The following HABP2 variants were observed in gnomAD, a reference collection of about 807,000 sequenced individuals.
The protein encoded by HABP2 is factor VII-activating protease.
A neutral mutation model predicts 66.5 loss-of-function variants in HABP2; 65 were observed. The ratio of observed to expected loss-of-function variants is 0.98; its 90% CI spans 0.80 to 1.20. HABP2 has a LOEUF of 1.20. HABP2 is among the 50% of genes most tolerant of loss of function. HABP2 has a pLI of 0.00. For missense variants in HABP2, 786 were observed against 691.0 expected, an observed-to-expected ratio of 1.14 and a Z score of -1.54; for synonymous variants, 263 against 253.9, an observed-to-expected ratio of 1.04 and a Z score of -0.34.
chr10:113,553,860 G>A (rs1363476302), intron 1 of HABP2, among the ~76,000 whole-genome samples: 1 of 152,156 alleles, frequency 6.6e-6, no homozygotes, highest in African/African-American at 2.4e-5. Context: ...CAGATGACTT[G>A]TCAAGATGTT....
At chr10:113,568,812 G>A (rs1845249627) in intron 2 of HABP2, among the ~76,000 whole-genome samples, 1 of 152,094 alleles carries the variant, frequency 6.6e-6, no homozygotes, top group African/African-American at 2.4e-5. Context: ...GGAGCTATGG[G>A]GTGACACAGT....
chr10:113,582,016 T>G lies in HABP2; in HGVS notation c.979T>G (p.Trp327Gly). ...GFKSTAGKHP[W>G]QASLQSSLPL... is the part of the protein sequence containing the mutation. ...TAAGAGCACGGCGGGCAAGCACCCA[T>G]GGCAGGCGTCCCTCCAGTCCTCGCT... Residue 327 changes from tryptophan (W) to glycine (G), a missense_variant, in exon 9 of 13, where the codon TGG becomes GGG. By Grantham distance (184) the Trp-to-Gly change is radical. Transcript: ENST00000351270. 1 of 1,614,192 alleles carries G rather than the reference T, an allele frequency of 6.2e-7. No homozygotes were observed. The highest frequency in any genetic ancestry group is 8.5e-7 in the Non-Finnish European group (1 of 1,180,018).
intron 5 of HABP2, 77 bp from the exon 6 acceptor site, chr10:113,577,949 A>G (rs1845442347): frequency 1.7e-5 from 27 of 1,548,250 alleles, no homozygotes; most frequent in Non-Finnish European, 2.4e-5. Context: ...GAATGCCACC[A>G]ATGTCTCCTT....
intron 2 of HABP2, among the ~76,000 whole-genome samples, chr10:113,574,010 A>G (rs1399111011): frequency 6.6e-6 from 1 of 152,196 alleles, no homozygotes; most frequent in Non-Finnish European, 1.5e-5. Flanking sequence ...TCAAGGGAGT[A>G]GAAAGCTGGA....
At position 113,553,059 on chromosome 10, in the gene HABP2, TA is replaced by T; in HGVS notation, c.-60del. The stretch of plus-strand genomic sequence containing the variant: ...CTTGGAGACTGACATTTTTCCCCCC[TA>T]AAGGCATAGACAACAAAAGAAATTT... On this transcript the variant is annotated 5_prime_UTR_variant, in exon 1 of 13. Transcript: ENST00000351270. 1 of 1,238,428 alleles carries T rather than the reference TA, an allele frequency of 8.1e-7. No homozygotes were observed. Among genetic ancestry groups the T allele is most frequent in the Non-Finnish European group, 1.2e-6 (1 of 838,970 alleles). 76.7% of individuals were successfully genotyped at this position (1,238,428 alleles called of 1,614,324 possible).
chr10:113,578,498 G>A (rs139018190), intron 6 of HABP2, 129 bp from the exon 7 acceptor site: 115 of 680,304 alleles, frequency 1.7e-4, no homozygotes, highest in Non-Finnish European at 2.2e-4. Flanking sequence ...TCTGAAATTC[G>A]TGGTGAAATC....
chr10:113,582,688 G>A (rs909724502), intron 9 of HABP2, among the ~76,000 whole-genome samples: 2 of 152,208 alleles, frequency 1.3e-5, no homozygotes, highest in African/African-American at 2.4e-5. Context: ...TGAGTCAGGT[G>A]TCTTCATCCA....
intron 1 of HABP2, among the ~76,000 whole-genome samples, chr10:113,561,552 C>A: frequency 6.6e-6 from 1 of 152,100 alleles, no homozygotes; most frequent in East Asian, 1.9e-4. Flanking sequence ...ATGTGGCCTA[C>A]CACCAGGCAT....
intron 3 of HABP2, 147 bp from the exon 4 acceptor site, chr10:113,575,750 C>T (rs1424898652): frequency 6.1e-6 from 4 of 653,298 alleles, no homozygotes; most frequent in South Asian, 1.8e-5. Flanking sequence ...TTAGGGACAA[C>T]ATATGTTTTC....
At chr10:113,560,636 G>A (rs979785483) in intron 1 of HABP2, among the ~76,000 whole-genome samples, 1 of 152,198 alleles carries the variant, frequency 6.6e-6, no homozygotes, top group African/African-American at 2.4e-5. Context: ...ATCAAGAGAT[G>A]AATGCATAAA....
At chr10:113,578,826 T>G (rs761051808) in intron 7 of HABP2, 28 bp downstream of exon 7, 5 of 1,508,358 alleles carry the variant, frequency 3.3e-6, no homozygotes, top group Non-Finnish European at 3.7e-6. Context: ...TATGCTCAGT[T>G]GATTTTGGTC....
chr10:113,557,301 GA>G (rs981036031), intron 1 of HABP2, among the ~76,000 whole-genome samples: 2 of 152,090 alleles, frequency 1.3e-5, no homozygotes, highest in African/African-American at 4.8e-5. Flanking sequence ...AATTCTCATA[GA>G]TTTTTTTTTA....
At chr10:113,572,230 A>G (rs1473878001) in intron 2 of HABP2, among the ~76,000 whole-genome samples, 2 of 152,256 alleles carry the variant, frequency 1.3e-5, no homozygotes, top group African/African-American at 4.8e-5. Context: ...CTTTGGCTTC[A>G]CTGAGAGGTA....
intron 4 of HABP2, among the ~76,000 whole-genome samples, chr10:113,576,679 T>C (rs1343829821): frequency 6.6e-6 from 1 of 152,088 alleles, no homozygotes; most frequent in African/African-American, 2.4e-5. Flanking sequence ...TACAGCTTTG[T>C]GGTTGACTTC....
At position 113,580,599 on chromosome 10, in the gene HABP2, C is replaced by G. The variant is rs1445033889; in HGVS notation, c.745C>G (p.Pro249Ala). The change falls in exon 8 of 13, where the codon CCA becomes GCA. Residue 249 changes from proline to alanine, a missense_variant. Coordinates refer to ENST00000351270, the MANE Select transcript of HABP2 (RefSeq NM_004132.5). ...GIGEHNFCRN[P>A]DADEKPWCFI... Reference sequence around the variant, plus strand: ...TTGTTTTGTTTTGTATTTTAGAAACCCAGATGCGGACGAAAAGCCCTGGTG... The same window carrying G: ...TTGTTTTGTTTTGTATTTTAGAAACGCAGATGCGGACGAAAAGCCCTGGTG... 1.3e-6 allele frequency: 2 copies of G among 1,540,324 alleles called. No individual in the cohort carries two copies. The highest frequency in any genetic ancestry group is 1.8e-6 in the Non-Finnish European group (2 of 1,112,782).
intron 12 of HABP2, among the ~76,000 whole-genome samples, chr10:113,586,480 G>GC (rs58343854): frequency 8.6e-5 from 12 of 139,878 alleles, no homozygotes; most frequent in Admixed American, 2.9e-4. Context: ...GTGTGTGGGG[G>GC]GGGGGGGGGT....
chr10:113,578,833 G>A, intron 7 of HABP2, 35 bp downstream of exon 7: 2 of 1,455,290 alleles, frequency 1.4e-6, no homozygotes, highest in South Asian at 2.3e-5. Context: ...AGTTGATTTT[G>A]GTCACTTATT....
chr10:113,580,916 C>T (rs1845516526), intron 8 of HABP2, among the ~76,000 whole-genome samples: 1 of 152,242 alleles, frequency 6.6e-6, no homozygotes, highest in African/African-American at 2.4e-5. Context: ...CAACTCTAAA[C>T]TCATGGTTTC....
At chr10:113,585,493 C>A (rs866552140) in intron 11 of HABP2, among the ~76,000 whole-genome samples, 1 of 152,122 alleles carries the variant, frequency 6.6e-6, no homozygotes, top group African/African-American at 2.4e-5. Context: ...TTTTGTTAGG[C>A]CTTGGGAATT....
Sources: gnomAD v4.1 joint callset for allele counts (sites outside exome capture counted in the v4.1 genomes callset) on GRCh38, gnomAD v4.1.1 for gene constraint, MANE v1.5 for transcripts, NCBI Gene and HGNC (gene_info 2026-07-23, HGNC 2026-07-21) for gene names.